The following B3GALT1 variants were observed in gnomAD, a reference collection of about 807,000 sequenced individuals.
The protein encoded by B3GALT1 is beta-1,3-galactosyltransferase 1.
In B3GALT1, 10 loss-of-function variants were observed where a neutral mutation model predicts 23.2. That is an observed-to-expected ratio of 0.43 (90% CI 0.27 to 0.73). B3GALT1 has a LOEUF of 0.73. B3GALT1 is among the 30% of genes least tolerant of loss of function. The probability of loss-of-function intolerance (pLI) is 0.21; values close to 1 mark genes in which losing one functional copy is unlikely to be tolerated. For missense variants in B3GALT1, 299 were observed against 405.4 expected, an observed-to-expected ratio of 0.74 and a Z score of 2.25; for synonymous variants, 156 against 141.5, an observed-to-expected ratio of 1.10 and a Z score of -0.73.
chr2:167,848,971 C>T (rs1689816178), intron 4 of B3GALT1, among the ~76,000 whole-genome samples: 1 of 152,056 alleles, frequency 6.6e-6, no homozygotes, highest in Non-Finnish European at 1.5e-5. Context: ...AGAACTCAAC[C>T]CCTTTACAAT....
intron 3 of B3GALT1, among the ~76,000 whole-genome samples, chr2:167,690,685 A>G (rs748792510): frequency 2.0e-5 from 3 of 152,136 alleles, no homozygotes; most frequent in Non-Finnish European, 4.4e-5. Flanking sequence ...AAATAGTTTT[A>G]TTGAGTGAAA....
chr2:167,647,715 C>G (rs1459984810), intron 3 of B3GALT1, among the ~76,000 whole-genome samples: 3 of 152,128 alleles, frequency 2.0e-5, no homozygotes, highest in African/African-American at 7.2e-5. Flanking sequence ...TGCCACAGAT[C>G]TAGTTCTTTT....
intron 3 of B3GALT1, among the ~76,000 whole-genome samples, chr2:167,700,921 G>A (rs879679434): frequency 8.5e-5 from 13 of 152,132 alleles, no homozygotes; most frequent in Non-Finnish European, 1.5e-4. Flanking sequence ...ACATAGGATC[G>A]TGATTCAACA....
chr2:167,545,023 C>CTGTTTT (rs1683606988), intron 2 of B3GALT1, among the ~76,000 whole-genome samples: 1 of 54,270 alleles, frequency 1.8e-5, no homozygotes, highest in Non-Finnish European at 3.2e-5. Flanking sequence ...GCTTGGGTGT[C>CTGTTTT]TTTTTTTTTT....
intron 3 of B3GALT1, among the ~76,000 whole-genome samples, chr2:167,682,626 T>C (rs1558947840): frequency 1.3e-5 from 2 of 152,350 alleles, no homozygotes; most frequent in East Asian, 3.9e-4. Flanking sequence ...AGATTCTGAT[T>C]CTGATGAGTA....
Position 167,822,782 on chromosome 2 carries a change from G to A in B3GALT1, c.-230+3989G>A, listed in dbSNP as rs76662622. 9.7e-3 allele frequency among the ~76,000 whole-genome samples: 1,480 copies of A among 152,144 alleles called. 29 individuals carry two copies. The highest frequency in any genetic ancestry group is 0.034 in the African/African-American group (1,411 of 41,496). Reference sequence around the variant, plus strand: ...CACTCCTCCACATGCCTTTTCAGATGTCCACAGTGAAAATTAAGCTCCTTC... The same window carrying A: ...CACTCCTCCACATGCCTTTTCAGATATCCACAGTGAAAATTAAGCTCCTTC... On this transcript the variant is annotated intron_variant, in intron 4 of 4. Coordinates refer to ENST00000392690, the MANE Select transcript of B3GALT1 (RefSeq NM_020981.4).
At chr2:167,825,233 G>A (rs1211530723) in intron 4 of B3GALT1, among the ~76,000 whole-genome samples, 12 of 145,838 alleles carry the variant, frequency 8.2e-5, no homozygotes, top group Admixed American at 5.6e-4. Flanking sequence ...GCAGTGAGCC[G>A]AGATCGCGCC....
intron 3 of B3GALT1, among the ~76,000 whole-genome samples, chr2:167,792,858 G>T (rs1015558092): frequency 2.3e-5 from 3 of 129,336 alleles, no homozygotes; most frequent in Non-Finnish European, 4.8e-5. Flanking sequence ...ATGGGGAACA[G>T]AATTTTTTTT....
chr2:167,484,470 C>A (rs1232064258), intron 1 of B3GALT1, among the ~76,000 whole-genome samples: 3 of 152,128 alleles, frequency 2.0e-5, no homozygotes, highest in Admixed American at 6.6e-5. Flanking sequence ...AGGCGTCAAT[C>A]AATACTATGA....
intron 1 of B3GALT1, among the ~76,000 whole-genome samples, chr2:167,435,363 A>C (rs1487306701): frequency 6.7e-6 from 1 of 149,536 alleles, no homozygotes; most frequent in African/African-American, 2.5e-5. Context: ...TCTTACCTAG[A>C]ATAACACCTA....
chr2:167,715,554 T>G, intron 3 of B3GALT1: 1 of 1,613,896 alleles, frequency 6.2e-7, no homozygotes, highest in Non-Finnish European at 8.5e-7. Context: ...TGTATCCTTT[T>G]TGAAATATCT....
chr2:167,517,568 C>T (rs1700125015), intron 2 of B3GALT1, among the ~76,000 whole-genome samples: 1 of 151,870 alleles, frequency 6.6e-6, no homozygotes, highest in Admixed American at 6.6e-5. Context: ...TCATCTTTTT[C>T]ATTGATTACC....
At position 167,521,868 on chromosome 2, in the gene B3GALT1, A is replaced by G. The variant is rs112033870; in HGVS notation, c.-410+31591A>G. Among the ~76,000 whole-genome samples the G allele has an allele frequency of 2.7e-3, 407 of 151,318 alleles. 1 individual carries two copies. The highest frequency in any genetic ancestry group is 9.6e-3 in the African/African-American group (398 of 41,378). On this transcript the variant is annotated intron_variant, in intron 2 of 4. Transcript: ENST00000392690. ...ATCATTCATATGTTTTTATTTTATTACCCTCAAAATCATACATATATTATT... is the reference window on the plus strand; with the variant it reads ...ATCATTCATATGTTTTTATTTTATTGCCCTCAAAATCATACATATATTATT...
In B3GALT1 at chr2:167,366,513, G is replaced by A. The variant is rs191858927; in HGVS notation, c.-511+73179G>A. 9.2e-4 allele frequency among the ~76,000 whole-genome samples: 140 copies of A among 152,202 alleles called. 2 individuals are homozygous for A. In the South Asian group the frequency reaches 0.014, roughly 15 times the overall value. ...TATAAATGGTGAACCCACATCTTCT[G>A]ATATCTATTGGGTTCATCAAAACAT... On this transcript the variant is annotated intron_variant, in intron 1 of 4. Coordinates refer to ENST00000392690, the MANE Select transcript of B3GALT1 (RefSeq NM_020981.4).
chr2:167,744,608 T>C (rs970405878), intron 3 of B3GALT1, among the ~76,000 whole-genome samples: 4 of 152,056 alleles, frequency 2.6e-5, no homozygotes, highest in African/African-American at 9.7e-5. Context: ...TTTTTTTTTC[T>C]GAGACAGAGT....
intron 2 of B3GALT1, among the ~76,000 whole-genome samples, chr2:167,507,098 G>A (rs1699930653): frequency 6.6e-6 from 1 of 152,112 alleles, no homozygotes; most frequent in African/African-American, 2.4e-5. Context: ...TAGAAAGTTT[G>A]CCAAATATTT....
intron 1 of B3GALT1, among the ~76,000 whole-genome samples, chr2:167,407,162 C>G (rs985706913): frequency 6.6e-6 from 1 of 151,840 alleles, no homozygotes; most frequent in African/African-American, 2.4e-5. Flanking sequence ...CACAGTAGAA[C>G]AAAACTAGAA....
chr2:167,436,075 C>T (rs575899880), intron 1 of B3GALT1, among the ~76,000 whole-genome samples: 2 of 152,130 alleles, frequency 1.3e-5, no homozygotes, highest in East Asian at 3.9e-4. Flanking sequence ...CAACATATGA[C>T]CCCCTGTGAC....
intron 3 of B3GALT1, among the ~76,000 whole-genome samples, chr2:167,705,100 G>A (rs140646198): frequency 6.6e-5 from 10 of 152,250 alleles, no homozygotes; most frequent in Admixed American, 2.0e-4. Flanking sequence ...CTCTCTATGA[G>A]AACATGCCCT....
Sources: gnomAD v4.1 joint callset for allele counts (sites outside exome capture counted in the v4.1 genomes callset) on GRCh38, gnomAD v4.1.1 for gene constraint, MANE v1.5 for transcripts, NCBI Gene and HGNC (gene_info 2026-07-23, HGNC 2026-07-21) for gene names.